EFHD1: variants seen among roughly 807,000 people sequenced by gnomAD.
EFHD1 encodes the protein EF-hand domain-containing protein D1.
In EFHD1, 10 loss-of-function variants were observed where a neutral mutation model predicts 17.2. The observed-to-expected ratio is 0.58, with a 90% confidence interval of 0.36 to 0.99. The LOEUF is 0.99. Among genes scored for constraint, EFHD1 ranks in the 50% least tolerant of loss-of-function variants. The probability of loss-of-function intolerance (pLI) is 0.01; values close to 1 mark genes in which losing one functional copy is unlikely to be tolerated. For synonymous variants in EFHD1, 153 were observed against 142.0 expected (o/e 1.08, Z -0.55); for missense variants, 310 against 327.5 (o/e 0.95, Z 0.41).
intron 1 of EFHD1, among the ~76,000 whole-genome samples, chr2:232,611,052 C>G (rs149866421): frequency 1.2e-4 from 19 of 152,218 alleles, no homozygotes; most frequent in Non-Finnish European, 2.1e-4. Context: ...GTGGTGTGCA[C>G]CCATCGTCCT....
intron 2 of EFHD1, among the ~76,000 whole-genome samples, chr2:232,665,099 A>G (rs1455821362): frequency 1.3e-5 from 2 of 152,108 alleles, no homozygotes; most frequent in Non-Finnish European, 2.9e-5. Flanking sequence ...GTAATTTTAT[A>G]AAGGGTCTTA....
chr2:232,606,892 AAAAAT>A (rs1279881697), intron 1 of EFHD1, among the ~76,000 whole-genome samples: 6 of 147,030 alleles, frequency 4.1e-5, no homozygotes, highest in Non-Finnish European at 6.1e-5. Flanking sequence ...TCCGTCTCAA[AAAAAT>A]AAAATAAAAT....
chr2:232,631,284 C>A (rs1023108175), upstream of EFHD1, among the ~76,000 whole-genome samples: 10 of 150,862 alleles, frequency 6.6e-5, no homozygotes, highest in South Asian at 2.1e-4. Context: ...CTCTCTCTTT[C>A]TTTCTCTCTC....
chr2:232,629,763 C>T (rs998581893), upstream of EFHD1, among the ~76,000 whole-genome samples: 2 of 151,194 alleles, frequency 1.3e-5, no homozygotes, highest in African/African-American at 2.4e-5. Flanking sequence ...GCCACCACGC[C>T]CGGCCAAAAA....
In EFHD1 at chr2:232,613,929, C is replaced by T. The variant is rs547087152; in HGVS notation, c.14+7756C>T. Among the ~76,000 whole-genome samples, 15 of 151,784 alleles carry T rather than the reference C, an allele frequency of 9.9e-5. 1 individual carries two copies. Among genetic ancestry groups the T allele is most frequent in the African/African-American group, 3.6e-4 (15 of 41,436 alleles). On this transcript the variant is annotated intron_variant, in intron 1 of 3. Transcript: ENST00000409613. ...AAATATACACACACAAATATATACA[C>T]ATACCCATATACACACATAAATATA...
chr2:232,620,462 C>G (rs1694000572), intron 1 of EFHD1, among the ~76,000 whole-genome samples: 1 of 151,188 alleles, frequency 6.6e-6, no homozygotes, highest in Admixed American at 6.6e-5. Context: ...CATAGCTCAT[C>G]ACAGTCTTGA....
At chr2:232,652,089 C>G (rs545179103) in intron 1 of EFHD1, among the ~76,000 whole-genome samples, 71 of 152,288 alleles carry the variant, frequency 4.7e-4, no homozygotes, top group African/African-American at 1.7e-3. Context: ...CTCAGAGGAG[C>G]CTTGAAGGAT....
At chr2:232,629,743 A>G (rs541719481), upstream of EFHD1, among the ~76,000 whole-genome samples, 19 of 152,248 alleles carry the variant, frequency 1.2e-4, no homozygotes, top group East Asian at 3.7e-3. Flanking sequence ...TGCTGGGATT[A>G]TAGGCATGAG....
rs1050445711 is a variant in EFHD1 at position 232,660,281 on chromosome 2, G to A, written c.303-2521G>A. 1.3e-4 allele frequency among the ~76,000 whole-genome samples: 20 copies of A among 151,616 alleles called. 1 individual carries two copies. The highest frequency in any genetic ancestry group is 3.6e-4 in the African/African-American group (15 of 41,216). The stretch of plus-strand genomic sequence containing the variant: ...ACGACCTCGGCTTACTGCAAGCTCC[G>A]CCTCCTGGGTTCATGCCATTCTCCT... On this transcript the variant is annotated intron_variant, in intron 1 of 3. Coordinates refer to ENST00000264059, the MANE Select transcript of EFHD1 (RefSeq NM_025202.4).
chr2:232,618,239 G>C (rs996750525), intron 1 of EFHD1, among the ~76,000 whole-genome samples: 1 of 151,678 alleles, frequency 6.6e-6, no homozygotes, highest in Non-Finnish European at 1.5e-5. Context: ...AGGCTGGTCT[G>C]GAACTCCTGA....
intron 1 of EFHD1, among the ~76,000 whole-genome samples, chr2:232,616,011 G>A (rs1693922711): frequency 6.6e-6 from 1 of 152,066 alleles, no homozygotes; most frequent in East Asian, 1.9e-4. Flanking sequence ...TTATTGAGGC[G>A]CAACATTGTT....
chr2:232,661,386 C>T (rs773945608), intron 1 of EFHD1, among the ~76,000 whole-genome samples: 2 of 152,086 alleles, frequency 1.3e-5, no homozygotes, highest in African/African-American at 2.4e-5. Context: ...GTAAGAACAT[C>T]GCAGAAGTGG....
At chr2:232,656,848 A>T (rs1241378295) in intron 1 of EFHD1, among the ~76,000 whole-genome samples, 1 of 152,208 alleles carries the variant, frequency 6.6e-6, no homozygotes, top group African/African-American at 2.4e-5. Flanking sequence ...GAGTGATCAC[A>T]GCTCACTGTA....
chr2:232,672,349 AG>A lies in EFHD1; in HGVS notation c.493del (p.Glu165ArgfsTer5). The A allele has an allele frequency of 6.2e-7, 1 of 1,614,190 alleles. No homozygotes were observed. The highest frequency in any genetic ancestry group is 8.5e-7 in the Non-Finnish European group (1 of 1,180,040). On this transcript the variant is annotated frameshift_variant, in exon 3 of 4. Transcript: ENST00000264059. LOFTEE classifies it high-confidence loss of function. Reference protein sequence around the residue: ...IFHKAAAGELQEDSGLMALAK... With the variant: ...IFHKAAAGELXEDSGLMALAK... ...CACAAGGCCGCGGCAGGGGAGCTGC[AG>A]GAGGACAGTGGGCTGATGGCGCTGG...
rs71056285 is a variant in EFHD1, at chr2:232,627,079, T to TTTA, written c.14+20906_14+20907insTTA. Reference sequence around the variant, plus strand: ...ATATATATATATTTTTTTTTTTTTTTAATTAGCCAGTTGTGGTGGCACACA... The same window carrying TTTA: ...ATATATATATATTTTTTTTTTTTTTTTTAAATTAGCCAGTTGTGGTGGCACACA... On this transcript the variant is annotated intron_variant, in intron 1 of 3. Coordinates refer to the EFHD1 transcript ENST00000409613. Among the ~76,000 whole-genome samples, 401 of 132,770 alleles carry TTTA rather than the reference T, an allele frequency of 3.0e-3. 3 individuals are homozygous for TTTA. Among genetic ancestry groups the TTTA allele is most frequent in the African/African-American group, 0.011 (384 of 34,906 alleles). 87.1% of individuals were successfully genotyped at this position (132,770 alleles called of 152,430 possible). A position where few individuals can be genotyped will look rare whatever the true frequency, so the allele number is the denominator to read the frequency against.
In EFHD1 at chr2:232,672,351, G is replaced by C. The variant is rs142007002; in HGVS notation, c.493G>C (p.Glu165Gln). 3.2e-5 allele frequency: 52 copies of C among 1,614,178 alleles called. No homozygotes were observed. The highest frequency in any genetic ancestry group is 4.3e-5 in the Non-Finnish European group (51 of 1,180,032). ...CAAGGCCGCGGCAGGGGAGCTGCAG[G>C]AGGACAGTGGGCTGATGGCGCTGGC... is the stretch of plus-strand genomic sequence containing the variant. Reference protein sequence around the residue: ...FHKAAAGELQEDSGLMALAKL... With the variant: ...FHKAAAGELQQDSGLMALAKL... Residue 165 changes from glutamate (E) to glutamine (Q), a missense_variant, in exon 3 of 4, where the codon GAG becomes CAG. Coordinates refer to ENST00000264059, the MANE Select transcript of EFHD1 (RefSeq NM_025202.4).
intron 2 of EFHD1, among the ~76,000 whole-genome samples, chr2:232,672,014 C>G (rs889089490): frequency 1.3e-5 from 2 of 151,814 alleles, no homozygotes; most frequent in African/African-American, 2.4e-5. Context: ...CGAGATCATG[C>G]CATTGCACTC....
At chr2:232,656,754 A>T (rs914807409) in intron 1 of EFHD1, among the ~76,000 whole-genome samples, 2 of 151,882 alleles carry the variant, frequency 1.3e-5, no homozygotes, top group Non-Finnish European at 2.9e-5. Flanking sequence ...TGCATTTTTT[A>T]AAAATTGTGG....
chr2:232,658,048 G>C (rs1003556468), intron 1 of EFHD1, among the ~76,000 whole-genome samples: 5 of 151,132 alleles, frequency 3.3e-5, no homozygotes, highest in Non-Finnish European at 7.4e-5. Context: ...TTACAGGCAT[G>C]CGCCACCATG....
Sources: gnomAD v4.1 joint callset for allele counts (sites outside exome capture counted in the v4.1 genomes callset) on GRCh38, gnomAD v4.1.1 for gene constraint, MANE v1.5 for transcripts, NCBI Gene and HGNC (gene_info 2026-07-23, HGNC 2026-07-21) for gene names.